The following PRELID2 variants were observed in gnomAD, a reference collection of about 807,000 sequenced individuals.
PRELID2 encodes the protein PRELI domain-containing protein 2.
A neutral mutation model predicts 28.4 loss-of-function variants in PRELID2; 25 were observed. That is an observed-to-expected ratio of 0.88 (90% CI 0.64 to 1.23). PRELID2 has a LOEUF of 1.23. Ranked by LOEUF, PRELID2 falls within the 50% of genes most tolerant of loss-of-function variation. The pLI, the probability that PRELID2 is intolerant of heterozygous loss-of-function variation, is 0.00. For missense variants in PRELID2, 201 were observed against 214.4 expected (o/e 0.94, Z 0.39); for synonymous variants, 76 against 71.6 (o/e 1.06, Z -0.31).
intron 1 of PRELID2, among the ~76,000 whole-genome samples, chr5:145,640,225 G>A (rs1057414178): frequency 2.0e-4 from 30 of 152,052 alleles, no homozygotes; most frequent in Non-Finnish European, 2.1e-4. Flanking sequence ...GGTGGCTCAC[G>A]CCTGTAATCC....
At chr5:145,710,738 C>A (rs1301593332) in intron 1 of PRELID2, among the ~76,000 whole-genome samples, 4 of 152,318 alleles carry the variant, frequency 2.6e-5, no homozygotes, top group Admixed American at 2.0e-4. Context: ...GAGGCTCACG[C>A]CATTTCATCT....
chr5:145,486,922 T>G (rs895044916), intron 1 of PRELID2, among the ~76,000 whole-genome samples: 1 of 148,840 alleles, frequency 6.7e-6, no homozygotes, highest in Non-Finnish European at 1.5e-5. Flanking sequence ...TAAAAAATGA[T>G]GAGTTCATGT....
At chr5:145,765,143 A>AT in intron 5 of PRELID2, 143 bp from the exon 6 acceptor site, 3 of 592,268 alleles carry the variant, frequency 5.1e-6, no homozygotes, top group Non-Finnish European at 8.7e-6. Flanking sequence ...CATACCTGAC[A>AT]TTTTTTTAAT....
chr5:145,436,933 A>G, the PRELID2 span: 1 of 152,316 alleles, frequency 6.6e-6, no homozygotes. Flanking sequence ...CCGTTATCTT[A>G]AATCTTACCA....
At chr5:145,544,211 A>G (rs907261163) in intron 1 of PRELID2, among the ~76,000 whole-genome samples, 1 of 152,048 alleles carries the variant, frequency 6.6e-6, no homozygotes, top group Non-Finnish European at 1.5e-5. Flanking sequence ...ATAAGGACCC[A>G]TTAAGTACAT....
intron 1 of PRELID2, among the ~76,000 whole-genome samples, chr5:145,680,580 G>T (rs147673509): frequency 1.3e-3 from 198 of 152,288 alleles, no homozygotes; most frequent in African/African-American, 4.8e-3. Flanking sequence ...GAGACAATTT[G>T]TTAATAGGGA....
At chr5:145,584,638 G>A (rs1372491271) in intron 1 of PRELID2, among the ~76,000 whole-genome samples, 1 of 151,870 alleles carries the variant, frequency 6.6e-6, no homozygotes, top group African/African-American at 2.4e-5. Flanking sequence ...ATGAACATAT[G>A]CTTCTCAAAA....
Position 145,739,057 on chromosome 5 carries a change from G to GA in PRELID2, n.70+25873dup, listed in dbSNP as rs548904076. 5.3e-4 allele frequency among the ~76,000 whole-genome samples: 81 copies of GA among 152,206 alleles called. No homozygotes were observed. The Middle Eastern group carries it at 0.01, about 19-fold the overall frequency. ...CTGAAAGAAAAGAATTATCAACCCAGAATCCTAAATATCCAGTAAAAATAT... is the reference window on the plus strand; with the variant it reads ...CTGAAAGAAAAGAATTATCAACCCAGAAATCCTAAATATCCAGTAAAAATAT... On this transcript the variant is annotated intron_variant and non_coding_transcript_variant, in intron 1 of 2. Transcript: ENST00000510259.
chr5:145,820,129 T>G, intron 2 of PRELID2, 111 bp from the exon 3 acceptor site: 1 of 588,186 alleles, frequency 1.7e-6, no homozygotes, highest in Non-Finnish European at 2.9e-6. Context: ...TTTTGTTTTT[T>G]TTTTTTGAGA....
the PRELID2 span, among the ~76,000 whole-genome samples, chr5:145,373,382 T>C: frequency 6.0e-5 from 5 of 83,118 alleles, no homozygotes; most frequent in East Asian, 1.6e-3. Context: ...TATTACAACA[T>C]ATATAATATA....
intron 3 of PRELID2, among the ~76,000 whole-genome samples, chr5:145,818,599 T>C (rs968285287): frequency 6.6e-6 from 1 of 151,920 alleles, no homozygotes; most frequent in African/African-American, 2.4e-5. Flanking sequence ...AGATTCAGAG[T>C]GAGTATATAG....
chr5:145,557,595 A>T (rs1181830561), intron 1 of PRELID2, among the ~76,000 whole-genome samples: 3 of 152,240 alleles, frequency 2.0e-5, no homozygotes, highest in Non-Finnish European at 2.9e-5. Context: ...CCGCTGGTGG[A>T]GCAAGATGAG....
intron 1 of PRELID2, among the ~76,000 whole-genome samples, chr5:145,496,693 C>CT (rs2126630575): frequency 6.6e-6 from 1 of 152,228 alleles, no homozygotes; most frequent in African/African-American, 2.4e-5. Context: ...CTGAACTGTG[C>CT]TATGGTCTGA....
In PRELID2 at chr5:145,659,829, G is replaced by A. The variant is rs189238551; in HGVS notation, n.70+105102C>T. Reference sequence around the variant, plus strand: ...GTGTAATACAACTTCATTTAACACTGTAATTGAATACTTACAATTTTTTTA... The same window carrying A: ...GTGTAATACAACTTCATTTAACACTATAATTGAATACTTACAATTTTTTTA... On this transcript the variant is annotated intron_variant and non_coding_transcript_variant, in intron 1 of 2. Coordinates refer to the PRELID2 transcript ENST00000510259. 2.0e-5 allele frequency among the ~76,000 whole-genome samples: 3 copies of A among 152,270 alleles called. No homozygotes were observed. The East Asian group carries it at 5.8e-4, about 29-fold the overall frequency.
At chr5:145,776,820 G>A (rs981210844) in intron 5 of PRELID2, among the ~76,000 whole-genome samples, 4 of 152,142 alleles carry the variant, frequency 2.6e-5, no homozygotes, top group African/African-American at 4.8e-5. Flanking sequence ...TAGGATATTC[G>A]TTGTATGATT....
chr5:145,296,586 T>C, the PRELID2 span, among the ~76,000 whole-genome samples: 6 of 152,182 alleles, frequency 3.9e-5, no homozygotes, highest in African/African-American at 2.4e-5. Context: ...TAATCCAGTC[T>C]ATCATTGTTG....
At chr5:145,413,719 C>T in the PRELID2 span, among the ~76,000 whole-genome samples, 2 of 151,932 alleles carry the variant, frequency 1.3e-5, no homozygotes, top group Non-Finnish European at 2.9e-5. Flanking sequence ...CCCTCAGACC[C>T]TGGTAATCAC....
chr5:145,567,801 C>G (rs955956070), intron 1 of PRELID2, among the ~76,000 whole-genome samples: 2 of 152,134 alleles, frequency 1.3e-5, no homozygotes, highest in Admixed American at 6.6e-5. Context: ...TGAGGCCTCC[C>G]CAGCCATGTG....
chr5:145,366,745 C>T, the PRELID2 span, among the ~76,000 whole-genome samples: 1 of 151,866 alleles, frequency 6.6e-6, no homozygotes, highest in Non-Finnish European at 1.5e-5. Context: ...TTTAAGCCAC[C>T]AATCTTGTCT....
Sources: gnomAD v4.1 joint callset for allele counts (sites outside exome capture counted in the v4.1 genomes callset) on GRCh38, gnomAD v4.1.1 for gene constraint, MANE v1.5 for transcripts, NCBI Gene and HGNC (gene_info 2026-07-23, HGNC 2026-07-21) for gene names.